EGLN2: variants seen among roughly 807,000 people sequenced by gnomAD.
EGLN2 encodes egl-9 family hypoxia inducible factor 2.
EGLN2 carries 15 observed loss-of-function variants against 38.2 expected under a neutral mutation model. The ratio of observed to expected loss-of-function variants is 0.39; its 90% CI spans 0.26 to 0.60. EGLN2 has a LOEUF of 0.60. Among genes scored for constraint, EGLN2 ranks in the 20% least tolerant of loss-of-function variants. The pLI is 0.50. For synonymous variants in EGLN2, 284 were observed against 237.4 expected, an observed-to-expected ratio of 1.20 and a Z score of -1.81; for missense variants, 492 against 570.4, an observed-to-expected ratio of 0.86 and a Z score of 1.40.
intron 2 of EGLN2, chr19:40,806,311 C>T (rs1047800985): frequency 8.0e-6 from 5 of 622,720 alleles, no homozygotes; most frequent in African/African-American, 3.7e-5. Flanking sequence ...GGTGCCAGGC[C>T]CCAGGTATGT....
Position 40,800,678 on chromosome 19 carries a change from G to A in EGLN2, c.106G>A (p.Val36Met). ...TGAGCCTGGCCGGGCCAGGATGGGAGTGGAGAGTTACCTGCCCTGTCCCCT... is the reference window on the plus strand; with the variant it reads ...TGAGCCTGGCCGGGCCAGGATGGGAATGGAGAGTTACCTGCCCTGTCCCCT... ...EPEPGRARMG[V>M]ESYLPCPLLP... The change falls in exon 2 of 6, where the codon GTG becomes ATG. Residue 36 changes from valine to methionine, a missense_variant. Val to Met is a conservative substitution (Grantham distance 21). Transcript: ENST00000303961. The A allele has an allele frequency of 6.2e-7, 1 of 1,614,048 alleles. No individual in the cohort carries two copies. Among genetic ancestry groups the A allele is most frequent in the Non-Finnish European group, 8.5e-7 (1 of 1,180,014 alleles).
intron 1 of EGLN2, chr19:40,799,497 G>C (rs548363852): frequency 2.6e-5 from 4 of 151,386 alleles, no homozygotes; most frequent in South Asian, 4.2e-4. Context: ...CCGAGTGGAG[G>C]GGGAGGGGAG....
intron 5 of EGLN2, 114 bp downstream of exon 5, chr19:40,807,665 C>T: frequency 7.0e-7 from 1 of 1,424,854 alleles, no homozygotes; most frequent in Non-Finnish European, 9.8e-7. Flanking sequence ...TTTTCTTCAT[C>T]TCTGCCCACC....
At chr19:40,802,401 C>G (rs566823962) in intron 2 of EGLN2, among the ~76,000 whole-genome samples, 5 of 152,308 alleles carry the variant, frequency 3.3e-5, no homozygotes, top group South Asian at 4.1e-4. Flanking sequence ...CCTCCATTCC[C>G]CCTGTCCTGT....
chr19:40,804,855 T>C (rs969071591), intron 2 of EGLN2: 1 of 152,254 alleles, frequency 6.6e-6, no homozygotes, highest in African/African-American at 2.4e-5. Flanking sequence ...AATTGTACTC[T>C]GGTGCTGCCA....
intron 3 of EGLN2, 36 bp from the exon 4 acceptor site, chr19:40,807,102 C>G (rs748065055): frequency 1.2e-5 from 20 of 1,609,528 alleles, no homozygotes; most frequent in Non-Finnish European, 1.5e-5. Context: ...GGCTCCTGGC[C>G]GTACCAGCTA....
intron 5 of EGLN2, 95 bp from the exon 6 acceptor site, chr19:40,807,714 C>T: frequency 6.8e-7 from 1 of 1,461,440 alleles, no homozygotes; most frequent in Admixed American, 1.8e-5. Context: ...ACAGGAGCCC[C>T]ATTTCTTCCT....
Position 40,801,107 on chromosome 19 carries a change from C to G in EGLN2, c.535C>G (p.Leu179Val), listed in dbSNP as rs1052892437. 5 of 1,612,792 alleles carry G rather than the reference C, an allele frequency of 3.1e-6. No individual in the cohort carries two copies. Among genetic ancestry groups the G allele is most frequent in the Middle Eastern group, 3.3e-4 (2 of 6,084 alleles). The change falls in exon 2 of 6, where the codon CTG (leucine) becomes GTG (valine). Residue 179 changes from leucine (L) to valine (V), a missense_variant. Transcript: ENST00000303961. ...ALPSAPERLA[L>V]DYIVPCMRYY... ...GCCCTCTGCGCCCGAGCGCCTGGCC[C>G]TGGACTATATCGTGCCCTGCATGCG...
chr19:40,801,216 G>C lies in EGLN2; in HGVS notation c.644G>C (p.Arg215Pro). 1 of 1,612,544 alleles carries C rather than the reference G, an allele frequency of 6.2e-7. No individual in the cohort carries two copies. Among genetic ancestry groups the C allele is most frequent in the Non-Finnish European group, 8.5e-7 (1 of 1,179,894 alleles). ...RVLAEVEALKRGGRLRDGQLV... is the reference protein window; with the variant it reads ...RVLAEVEALKPGGRLRDGQLV... ...CTGGCCGAGGTGGAGGCCCTCAAAC[G>C]GGGTGGGCGCCTGCGAGACGGGCAG... The change falls in exon 2 of 6, where the codon CGG becomes CCG. Residue 215 changes from arginine to proline, a missense_variant. This residue lies in a region of EGLN2 where 378 missense variants were observed against 386.2 expected (regional missense o/e 0.98). Transcript: ENST00000303961.
intron 5 of EGLN2, 99 bp from the exon 6 acceptor site, chr19:40,807,710 G>C: frequency 1.4e-6 from 2 of 1,445,904 alleles, no homozygotes; most frequent in East Asian, 2.3e-5. Context: ...CCCAACAGGA[G>C]CCCCATTTCT....
At chr19:40,807,759 T>G in intron 5 of EGLN2, 50 bp from the exon 6 acceptor site, 2 of 1,603,308 alleles carry the variant, frequency 1.2e-6, no homozygotes, top group South Asian at 1.1e-5. Context: ...TTCCCTTGGC[T>G]TCTTTGTCCT....
chr19:40,800,633 T>G lies in EGLN2; in HGVS notation c.61T>G (p.Ser21Ala). ...SQALPQLPGSSSEPLEPEPGR... is the reference protein window; with the variant it reads ...SQALPQLPGSASEPLEPEPGR... ...GGCTCTCCCTCAGTTACCAGGGTCT[T>G]CGTCAGAGCCCTTGGAGCCTGAGCC... The change falls in exon 2 of 6, where the codon TCG becomes GCG. Residue 21 changes from serine to alanine, a missense_variant. By Grantham distance (99) the Ser-to-Ala change is moderately conservative (BLOSUM62 1). Around this residue, in one of 2 missense-constraint regions of EGLN2, gnomAD observed 378 missense variants for 386.2 expected, o/e 0.98. Coordinates refer to ENST00000303961, the MANE Select transcript of EGLN2 (RefSeq NM_080732.4). The G allele has an allele frequency of 1.2e-6, 2 of 1,613,810 alleles. No individual in the cohort carries two copies. The highest frequency in any genetic ancestry group is 8.5e-7 in the Non-Finnish European group (1 of 1,179,970).
chr19:40,802,065 C>T (rs942791779), intron 2 of EGLN2, among the ~76,000 whole-genome samples: 1 of 152,184 alleles, frequency 6.6e-6, no homozygotes, highest in African/African-American at 2.4e-5. Flanking sequence ...TTCTCTGTTG[C>T]TGTCTGTCCC....
chr19:40,802,399 C>A (rs2083268448), intron 2 of EGLN2, among the ~76,000 whole-genome samples: 1 of 152,204 alleles, frequency 6.6e-6, no homozygotes, highest in African/African-American at 2.4e-5. Flanking sequence ...GCCCTCCATT[C>A]CCCCTGTCCT....
chr19:40,800,599 C>T lies in EGLN2; in HGVS notation c.27C>T (p.Pro9=). The change falls in exon 2 of 6, where the codon CCC becomes CCT. Residue 9 remains proline, a synonymous_variant. Transcript: ENST00000303961. ...TGGACAGCCCGTGCCAGCCGCAGCC[C>T]CTAAGTCAGGCTCTCCCTCAGTTAC... MDSPCQPQ[P]LSQALPQLPG... 2 of 1,610,564 alleles carry T rather than the reference C, an allele frequency of 1.2e-6. No homozygotes were observed. The highest frequency in any genetic ancestry group is 2.2e-5 in the East Asian group (1 of 44,788).
chr19:40,807,853 A>G lies in EGLN2; in HGVS notation c.1213A>G (p.Thr405Ala), dbSNP rs1171931318. ...GVQVPVSQPP[T>A]PT ...CCAAGTACCTGTATCACAGCCGCCT[A>G]CGCCCACCTAGTGGCCAGTCCCAGA... Residue 405 changes from threonine (T) to alanine (A), a missense_variant, in exon 6 of 6, where the codon ACG becomes GCG. Thr to Ala is a moderately conservative substitution (Grantham distance 58, BLOSUM62 0). Around this residue, in one of 2 missense-constraint regions of EGLN2, gnomAD observed 114 missense variants for 184.2 expected, o/e 0.62. Transcript: ENST00000303961. 6.2e-7 allele frequency: 1 copy of G among 1,614,096 alleles called. No individual in the cohort carries two copies. Among genetic ancestry groups the G allele is most frequent in the Non-Finnish European group, 8.5e-7 (1 of 1,180,000 alleles).
At chr19:40,800,315 C>CT in intron 1 of EGLN2, 24 bp from the exon 2 acceptor site, 2 of 462,872 alleles carry the variant, frequency 4.3e-6, no homozygotes, top group Admixed American at 3.6e-5. Flanking sequence ...CTCTCACATC[C>CT]CTTTTTTTTT....
intron 2 of EGLN2, chr19:40,805,502 A>T (rs1258961108): frequency 6.6e-6 from 1 of 152,222 alleles, no homozygotes; most frequent in African/African-American, 2.4e-5. Context: ...GGATCCATGG[A>T]TGAGGAACCT....
At chr19:40,807,724 T>G (rs1363323071) in intron 5 of EGLN2, 85 bp from the exon 6 acceptor site, 2 of 1,509,544 alleles carry the variant, frequency 1.3e-6, no homozygotes, top group Non-Finnish European at 1.8e-6. Context: ...CATTTCTTCC[T>G]GGTCCTCTCC....
Sources: allele counts gnomAD v4.1 joint callset (sites outside exome capture counted in the v4.1 genomes callset), GRCh38; gene constraint gnomAD v4.1.1; regional missense constraint gnomAD v4.1.1; transcripts MANE v1.5; gene names NCBI Gene and HGNC (gene_info 2026-07-23, HGNC 2026-07-21).